JAK2: variants seen among roughly 807,000 people sequenced by gnomAD.
JAK2 encodes the protein tyrosine-protein kinase JAK2.
JAK2 carries 86 observed loss-of-function variants against 139.3 expected under a neutral mutation model. The observed-to-expected ratio is 0.62, with a 90% CI of 0.52 to 0.74. The LOEUF (loss-of-function observed/expected upper bound fraction) is 0.74. JAK2 is among the 30% of genes least tolerant of loss of function. JAK2 has a pLI of 0.00. For missense variants in JAK2, 1,421 were observed against 1,360.3 expected (o/e 1.04, Z -0.70); for synonymous variants, 490 against 437.7 (o/e 1.12, Z -1.49).
chr9:5,054,450 T>G lies in JAK2; in HGVS notation c.615-113T>G. 1.2e-6 allele frequency: 1 copy of G among 817,874 alleles called. No individual in the cohort carries two copies. The highest frequency in any genetic ancestry group is 2.0e-6 in the Non-Finnish European group (1 of 512,000). The allele number at this position is 817,874 out of a possible 1,614,324, so 50.7% of individuals were successfully genotyped here. On this transcript the variant is annotated intron_variant, in intron 6 of 24. Transcript: ENST00000381652. This position sits in a 1 kb window ranked among gnomAD's most constrained non-coding sequence, Gnocchi z 4.9. ...CAACTTACGCCACTTGGCCACTGTG[T>G]TGTAAGGCCTACTTAATCATGGAAA... is the stretch of plus-strand genomic sequence containing the variant.
At chr9:5,041,846 G>C in intron 4 of JAK2, 2 of 470,744 alleles carry the variant, frequency 4.2e-6, no homozygotes, top group Non-Finnish European at 8.5e-6. Flanking sequence ...ATGGGGAGCT[G>C]AACGCGGACG....
At chr9:5,038,133 A>G (rs1337473136) in intron 4 of JAK2, among the ~76,000 whole-genome samples, 3 of 152,198 alleles carry the variant, frequency 2.0e-5, no homozygotes, top group Admixed American at 6.5e-5. Context: ...ATATTTCTTC[A>G]TGTACATTAA....
At chr9:5,015,559 A>G (rs1208086968) in intron 2 of JAK2, among the ~76,000 whole-genome samples, 4 of 149,486 alleles carry the variant, frequency 2.7e-5, no homozygotes, top group Admixed American at 6.7e-5. Flanking sequence ...TTTTGAGACA[A>G]GGTCTCACTT....
intron 14 of JAK2, among the ~76,000 whole-genome samples, chr9:5,075,966 A>C (rs897591250): frequency 3.3e-5 from 5 of 152,140 alleles, no homozygotes; most frequent in African/African-American, 1.2e-4. Flanking sequence ...AGTTCATTCT[A>C]ACCCTCCTGG....
chr9:5,111,390 A>AGGCGGACAGC (rs1236302245), intron 22 of JAK2: 3 of 371,898 alleles, frequency 8.1e-6, no homozygotes, highest in Non-Finnish European at 1.5e-5. Context: ...TGGCGGACAG[A>AGGCGGACAGC]GGCGGACAGC....
At chr9:5,106,259 A>T (rs573412170) in intron 22 of JAK2, among the ~76,000 whole-genome samples, 3 of 152,248 alleles carry the variant, frequency 2.0e-5, no homozygotes, top group Admixed American at 2.0e-4. Flanking sequence ...ACACTTCTCA[A>T]AAGAAGGCAT....
At chr9:5,108,668 C>G (rs541037846) in intron 22 of JAK2, 4 of 152,104 alleles carry the variant, frequency 2.6e-5, no homozygotes, top group South Asian at 4.2e-4. Flanking sequence ...TTACCCTTAT[C>G]CTCAGCCCCC....
Position 4,990,431 on chromosome 9 carries a change from G to C in JAK2, c.-26+4409G>C, listed in dbSNP as rs113966954. 6.2e-3 allele frequency among the ~76,000 whole-genome samples: 941 copies of C among 152,302 alleles called. 11 individuals are homozygous for C. Among genetic ancestry groups the C allele is most frequent in the African/African-American group, 0.022 (903 of 41,556 alleles). On this transcript the variant is annotated intron_variant, in intron 2 of 24. Transcript: ENST00000381652. ...ACAGTTGAGCGTATATTGTGGATAT[G>C]TTGAGTTTGCGGTGGCCGTGGGATG...
intron 2 of JAK2, among the ~76,000 whole-genome samples, chr9:4,988,747 G>A (rs112999807): frequency 1.3e-5 from 2 of 151,904 alleles, no homozygotes; most frequent in Non-Finnish European, 2.9e-5. Context: ...TCCTGTACTG[G>A]TCTTCTGCTT....
intron 17 of JAK2, 66 bp from the exon 18 acceptor site, chr9:5,080,467 A>T (rs961410116): frequency 2.7e-5 from 42 of 1,538,838 alleles, no homozygotes; most frequent in Non-Finnish European, 3.7e-5. Flanking sequence ...AGCCCATCTA[A>T]TTTTAAAAAG....
intron 22 of JAK2, among the ~76,000 whole-genome samples, chr9:5,120,495 C>G (rs1823532754): frequency 6.6e-6 from 1 of 152,168 alleles, no homozygotes; most frequent in South Asian, 2.1e-4. Flanking sequence ...CGAAAAGGCT[C>G]TTTTGTTTTA....
chr9:5,039,988 G>T (rs1305903677), intron 4 of JAK2, among the ~76,000 whole-genome samples: 2 of 152,118 alleles, frequency 1.3e-5, no homozygotes, highest in Non-Finnish European at 2.9e-5. Context: ...AAAGCAAAGG[G>T]ACTTAGCATA....
chr9:4,994,668 T>A (rs983239053), intron 2 of JAK2, among the ~76,000 whole-genome samples: 1 of 152,210 alleles, frequency 6.6e-6, no homozygotes, highest in Non-Finnish European at 1.5e-5. Context: ...GGCTCATGGC[T>A]GTGTTCTCAT....
intron 2 of JAK2, among the ~76,000 whole-genome samples, chr9:5,008,330 G>C (rs1173573347): frequency 6.6e-6 from 1 of 152,156 alleles, no homozygotes; most frequent in African/African-American, 2.4e-5. Context: ...AAATATTCCA[G>C]CTTCATTTGA....
At chr9:5,109,578 G>A (rs1320381070) in intron 22 of JAK2, 2 of 152,108 alleles carry the variant, frequency 1.3e-5, no homozygotes, top group Non-Finnish European at 2.9e-5. Context: ...TGCAAAAGAA[G>A]ATTCATACCC....
chr9:5,008,501 C>T (rs2129929696), intron 2 of JAK2, among the ~76,000 whole-genome samples: 1 of 152,210 alleles, frequency 6.6e-6, no homozygotes, highest in African/African-American at 2.4e-5. Context: ...AGTAAATGTT[C>T]TAAAGAAATA....
chr9:5,019,008 G>C (rs1176878818), intron 2 of JAK2, among the ~76,000 whole-genome samples: 3 of 152,024 alleles, frequency 2.0e-5, no homozygotes, highest in African/African-American at 7.2e-5. Context: ...ACAAACTGTT[G>C]ACAGTTTGAC....
At chr9:5,073,633 A>G (rs1819120685) in intron 13 of JAK2, 65 bp from the exon 14 acceptor site, 3 of 1,175,620 alleles carry the variant, frequency 2.6e-6, no homozygotes, top group African/African-American at 1.5e-5. Flanking sequence ...TGGCAGAGAG[A>G]ATTTTCTGAA....
Position 5,005,278 on chromosome 9 carries a change from C to T in JAK2, c.-25-16685C>T, listed in dbSNP as rs75617065. Among the ~76,000 whole-genome samples the T allele has an allele frequency of 6.5e-3, 990 of 151,560 alleles. 9 individuals carry two copies. Among genetic ancestry groups the T allele is most frequent in the African/African-American group, 0.022 (897 of 41,326 alleles). Reference sequence around the variant, plus strand: ...ATTGTCCTTTGAGGAATATCTGTTCCGGTCCTTTGCCCATTTTTAAATCAG... The same window carrying T: ...ATTGTCCTTTGAGGAATATCTGTTCTGGTCCTTTGCCCATTTTTAAATCAG... On this transcript the variant is annotated intron_variant, in intron 2 of 24. Transcript: ENST00000381652.
Sources: gnomAD v4.1 joint callset for allele counts (sites outside exome capture counted in the v4.1 genomes callset) on GRCh38, gnomAD v4.1.1 for gene constraint, Gnocchi (gnomAD v3.1) non-coding constraint, MANE v1.5 for transcripts, NCBI Gene and HGNC (gene_info 2026-07-23, HGNC 2026-07-21) for gene names.